DLC1: variants seen among roughly 807,000 people sequenced by gnomAD.
DLC1 encodes DLC1 Rho GTPase activating protein.
In DLC1, 54 loss-of-function variants were observed where a neutral mutation model predicts 140.3. That is an observed-to-expected ratio of 0.38 (90% CI 0.31 to 0.48). The LOEUF (loss-of-function observed/expected upper bound fraction) is 0.48. Among genes scored for constraint, DLC1 ranks in the 20% least tolerant of loss-of-function variants. The probability of loss-of-function intolerance (pLI) is 0.96; values close to 1 mark genes in which losing one functional copy is unlikely to be tolerated. For missense variants in DLC1, 2,536 were observed against 1,907.0 expected, an observed-to-expected ratio of 1.33 and a Z score of -6.14; for synonymous variants, 986 against 728.1, an observed-to-expected ratio of 1.35 and a Z score of -5.70.
intron 2 of DLC1, among the ~76,000 whole-genome samples, chr8:13,487,955 T>C (rs564234966): frequency 6.6e-6 from 1 of 152,338 alleles, no homozygotes; most frequent in South Asian, 2.1e-4. Context: ...ATTTCTTGCC[T>C]GCTTTACACT....
At chr8:13,342,071 A>G (rs1383085301) in intron 4 of DLC1, 2 of 152,264 alleles carry the variant, frequency 1.3e-5, no homozygotes, top group Admixed American at 6.5e-5. Flanking sequence ...ATATGCATTC[A>G]TTCTGTGAAT....
intron 5 of DLC1, among the ~76,000 whole-genome samples, chr8:13,120,626 A>G (rs1267908330): frequency 6.6e-6 from 1 of 151,980 alleles, no homozygotes; most frequent in East Asian, 1.9e-4. Flanking sequence ...CTAGAAACTA[A>G]AAATACAATG....
At chr8:13,375,964 G>A (rs1835964043) in intron 4 of DLC1, among the ~76,000 whole-genome samples, 1 of 152,188 alleles carries the variant, frequency 6.6e-6, no homozygotes, top group Admixed American at 6.5e-5. Context: ...ACCTGTGAGA[G>A]TGACTTGTAG....
chr8:13,292,246 T>C (rs1335963429), intron 5 of DLC1, among the ~76,000 whole-genome samples: 1 of 152,196 alleles, frequency 6.6e-6, no homozygotes, highest in African/African-American at 2.4e-5. Flanking sequence ...CACAGTCCTC[T>C]TGTCCACATC....
At chr8:13,374,497 AC>A (rs1835877176) in intron 4 of DLC1, among the ~76,000 whole-genome samples, 1 of 152,024 alleles carries the variant, frequency 6.6e-6, no homozygotes, top group African/African-American at 2.4e-5. Flanking sequence ...TAAGAATGTC[AC>A]CCCAGGCCGG....
intron 5 of DLC1, among the ~76,000 whole-genome samples, chr8:13,191,769 G>A (rs1469336115): frequency 6.6e-6 from 1 of 151,940 alleles, no homozygotes; most frequent in Non-Finnish European, 1.5e-5. Flanking sequence ...GTGTGACTGT[G>A]GCCACAACAT....
At chr8:13,541,457 A>T (rs1300565913) in intron 1 of DLC1, among the ~76,000 whole-genome samples, 2 of 152,178 alleles carry the variant, frequency 1.3e-5, no homozygotes, top group African/African-American at 4.8e-5. Context: ...CATACTGGAA[A>T]TACTTTTAAC....
At chr8:13,311,552 C>T (rs1832665359) in intron 4 of DLC1, among the ~76,000 whole-genome samples, 1 of 152,028 alleles carries the variant, frequency 6.6e-6, no homozygotes, top group South Asian at 2.1e-4. Flanking sequence ...TCCTTATCTC[C>T]AAAAAAGGAC....
intron 2 of DLC1, among the ~76,000 whole-genome samples, chr8:13,467,386 T>TC (rs1394645844): frequency 6.6e-6 from 1 of 151,448 alleles, no homozygotes; most frequent in Non-Finnish European, 1.5e-5. Context: ...TCCTCTCCCC[T>TC]CCCCTCTCCT....
At chr8:13,521,035 A>G (rs73210019) in intron 1 of DLC1, among the ~76,000 whole-genome samples, 8,794 of 152,192 alleles carry the variant, frequency 0.058, 806 homozygotes, top group East Asian at 0.39. Flanking sequence ...GTTAAAGAAA[A>G]CGTGGTCCAT....
At chr8:13,583,473 C>A (rs1361496055) in intron 1 of DLC1, among the ~76,000 whole-genome samples, 1 of 152,148 alleles carries the variant, frequency 6.6e-6, no homozygotes, top group South Asian at 2.1e-4. Context: ...TTCTAGTTCT[C>A]TTGCTATTTC....
intron 3 of DLC1, among the ~76,000 whole-genome samples, chr8:13,394,654 A>G (rs903665986): frequency 2.0e-5 from 3 of 152,140 alleles, no homozygotes; most frequent in Non-Finnish European, 4.4e-5. Context: ...TATCCTCTTT[A>G]TACATCTCAA....
chr8:13,304,755 A>G (rs1046543115), intron 5 of DLC1: 12 of 956,578 alleles, frequency 1.3e-5, no homozygotes, highest in Non-Finnish European at 1.5e-5. Context: ...TCCATTTCCC[A>G]TAATACTGTT....
At chr8:13,285,207 A>G (rs1186512584) in intron 5 of DLC1, among the ~76,000 whole-genome samples, 1 of 152,216 alleles carries the variant, frequency 6.6e-6, no homozygotes, top group Non-Finnish European at 1.5e-5. Context: ...AACAGAACCA[A>G]GATTCCAGAA....
At chr8:13,465,720 T>G (rs1439955905) in intron 2 of DLC1, among the ~76,000 whole-genome samples, 4 of 152,184 alleles carry the variant, frequency 2.6e-5, no homozygotes, top group Non-Finnish European at 5.9e-5. Flanking sequence ...CTAAATAGAT[T>G]TTCTAAATTT....
intron 5 of DLC1, among the ~76,000 whole-genome samples, chr8:13,221,770 A>G (rs1828567828): frequency 6.9e-6 from 1 of 144,322 alleles, no homozygotes; most frequent in African/African-American, 2.5e-5. Flanking sequence ...TATAATATTA[A>G]TATATTAATA....
chr8:13,565,386 T>A (rs1804390926), intron 1 of DLC1, among the ~76,000 whole-genome samples: 1 of 152,234 alleles, frequency 6.6e-6, no homozygotes, highest in African/African-American at 2.4e-5. Context: ...TATGAATGTG[T>A]AAATATTCAG....
intron 2 of DLC1, among the ~76,000 whole-genome samples, chr8:13,482,775 C>A (rs1434083088): frequency 6.6e-6 from 1 of 152,166 alleles, no homozygotes; most frequent in Non-Finnish European, 1.5e-5. Flanking sequence ...AAGTGCCGTG[C>A]TTGTCTTCAC....
intron 6 of DLC1, among the ~76,000 whole-genome samples, chr8:13,112,614 CTT>C (rs1820209053): frequency 6.6e-6 from 1 of 152,138 alleles, no homozygotes; most frequent in Non-Finnish European, 1.5e-5. Flanking sequence ...AATAGAAAGA[CTT>C]ATAGTCAATG....
Sources: gnomAD v4.1 joint callset for allele counts (sites outside exome capture counted in the v4.1 genomes callset) on GRCh38, gnomAD v4.1.1 for gene constraint, MANE v1.5 for transcripts, NCBI Gene and HGNC (gene_info 2026-07-23, HGNC 2026-07-21) for gene names.